TMEM208: variants seen among roughly 807,000 people sequenced by gnomAD.
TMEM208 encodes SRP-independent targeting 2 homolog.
Under a neutral mutation model 26.4 loss-of-function variants are expected in TMEM208, and 19 were observed. The observed-to-expected ratio is 0.72, with a 90% CI of 0.50 to 1.06. TMEM208 has a LOEUF of 1.06. Among genes scored for constraint, TMEM208 ranks in the 50% least tolerant of loss-of-function variants. The pLI is 0.00. For synonymous variants in TMEM208, 93 were observed against 83.1 expected (o/e 1.12, Z -0.65); for missense variants, 183 against 219.8 (o/e 0.83, Z 1.06).
chr16:67,228,563 A>T lies in TMEM208; in HGVS notation c.231A>T (p.Ala77=), dbSNP rs2142252564. The T allele has an allele frequency of 6.2e-7, 1 of 1,609,460 alleles. No homozygotes were observed. Among genetic ancestry groups the T allele is most frequent in the African/African-American group, 1.3e-5 (1 of 74,906 alleles). ...SYHSMSSMAR[A]AFSEDGALMD... ...ACTCTATGAGCTCGATGGCACGAGC[A>T]GCGTTCTCTGAGGATGGGGCCCTGA... The change falls in exon 4 of 6, where the codon GCA becomes GCT. Residue 77 remains alanine, a synonymous_variant. Coordinates refer to ENST00000304800, the MANE Select transcript of TMEM208 (RefSeq NM_014187.4).
At position 67,228,356 on chromosome 16, in the gene TMEM208, C is replaced by T. The variant is rs755015766; in HGVS notation, c.104C>T (p.Ala35Val). The T allele has an allele frequency of 6.2e-7, 1 of 1,613,962 alleles. No individual in the cohort carries two copies. Among genetic ancestry groups the T allele is most frequent in the South Asian group, 1.1e-5 (1 of 91,074 alleles). The part of the protein sequence containing the change: ...FYLRIILGAN[A>V]IYCLVTLVFF... ...ACCTGATCCTGTGATTGCTTGCAGGCCATTTACTGCCTTGTGACGTTGGTC... is the reference window on the plus strand; with the variant it reads ...ACCTGATCCTGTGATTGCTTGCAGGTCATTTACTGCCTTGTGACGTTGGTC... Residue 35 changes from alanine to valine, a missense_variant and splice_region_variant, in exon 3 of 6, where the codon GCC (alanine) becomes GTC (valine). Ala to Val is a moderately conservative substitution (Grantham distance 64). Transcript: ENST00000304800.
intron 2 of TMEM208, 48 bp from the exon 3 acceptor site, chr16:67,228,307 G>A (rs775486394): frequency 1.9e-6 from 3 of 1,604,554 alleles, no homozygotes; most frequent in African/African-American, 1.3e-5. Flanking sequence ...GAGACCCATG[G>A]TTTGGAGGTA....
intron 1 of TMEM208, 62 bp from the exon 2 acceptor site, chr16:67,227,774 G>A (rs2034078438): frequency 7.3e-6 from 10 of 1,376,480 alleles, no homozygotes; most frequent in Middle Eastern, 3.6e-4. Context: ...TAGCTCACCA[G>A]GCTGGTGGGG....
In TMEM208 at chr16:67,228,610, A is replaced by G. The variant is rs2034117715; in HGVS notation, c.278A>G (p.Asn93Ser). The G allele has an allele frequency of 1.3e-6, 2 of 1,590,628 alleles. No individual in the cohort carries two copies. ...CTGATGGATGGTGGCATGGACCTCA[A>G]CATGGAGCAGGGCATGGCAGAGTGA... Reference protein sequence around the residue: ...GALMDGGMDLNMEQGMAEHLK... With the variant: ...GALMDGGMDLSMEQGMAEHLK... The change falls in exon 4 of 6, where the codon AAC becomes AGC. Residue 93 changes from asparagine (N) to serine (S), a missense_variant. Asn to Ser is a conservative substitution (Grantham distance 46). Transcript: ENST00000304800.
rs549235640 is a variant in TMEM208 at position 67,228,849 on chromosome 16, TTCTCTC to T, written c.356_361del (p.Ser119_Leu120del). The T allele has an allele frequency of 6.2e-7, 1 of 1,613,994 alleles. No individual in the cohort carries two copies. Among genetic ancestry groups the T allele is most frequent in the East Asian group, 2.2e-5 (1 of 44,886 alleles). On this transcript the variant is annotated inframe_deletion, in exon 5 of 6. Transcript: ENST00000304800. ...AGCCATCGTGCAGGTGCTCAGCTGC[TTCTCTC>T]TCTATGTCTGGTCCTTCTGGCTTCT...
chr16:67,228,655 C>G, intron 4 of TMEM208, 24 bp downstream of exon 4: 3 of 1,545,502 alleles, frequency 1.9e-6, no homozygotes, highest in Non-Finnish European at 2.6e-6. Context: ...ACCGCCAGCC[C>G]AGGTGAGCGG....
At chr16:67,227,784 G>C in intron 1 of TMEM208, 52 bp from the exon 2 acceptor site, 29 of 1,434,614 alleles carry the variant, frequency 2.0e-5, no homozygotes, top group Non-Finnish European at 2.7e-5. Context: ...GGCTGGTGGG[G>C]AGAATGAGGA....
Position 67,227,237 on chromosome 16 carries a change from G to C in TMEM208, c.6+13G>C. On this transcript the variant is annotated intron_variant, in intron 1 of 5. Transcript: ENST00000304800. ...TCGCACCATGGCGGTAAGGAGGATGGATAGGGCGGGGTCCGCACCAGCAAA... is the reference window on the plus strand; with the variant it reads ...TCGCACCATGGCGGTAAGGAGGATGCATAGGGCGGGGTCCGCACCAGCAAA... 6.2e-7 allele frequency: 1 copy of C among 1,611,420 alleles called. No homozygotes were observed. Among genetic ancestry groups the C allele is most frequent in the South Asian group, 1.1e-5 (1 of 90,794 alleles).
chr16:67,227,154 G>T lies in TMEM208; in HGVS notation c.-65G>T. 6.2e-7 allele frequency: 1 copy of T among 1,605,060 alleles called. No homozygotes were observed. Among genetic ancestry groups the T allele is most frequent in the Non-Finnish European group, 8.5e-7 (1 of 1,174,022 alleles). ...CGGAAGTGCATGAGCTGCCGATGTG[G>T]TGCTTAGTGATTGCGGTTTCGGTCG... is the stretch of plus-strand genomic sequence containing the variant. On this transcript the variant is annotated 5_prime_UTR_variant, in exon 1 of 6. Transcript: ENST00000304800.
intron 1 of TMEM208, chr16:67,227,598 G>C: frequency 1.8e-6 from 1 of 569,768 alleles, no homozygotes; most frequent in East Asian, 2.9e-5. Flanking sequence ...ATTAGCTTAG[G>C]ATTGAATTGT....
At chr16:67,228,722 G>T in intron 4 of TMEM208, 75 bp from the exon 5 acceptor site, 1 of 1,558,942 alleles carries the variant, frequency 6.4e-7, no homozygotes, top group South Asian at 1.2e-5. Context: ...ACTTGAAAAG[G>T]GTGGAAGGGA....
rs376219954 is a variant in TMEM208 at position 67,228,375 on chromosome 16, G to A, written c.123G>A (p.Thr41=). The part of the protein sequence containing the change: ...LGANAIYCLV[T]LVFFYSSASF... Reference sequence around the variant, plus strand: ...TGCAGGCCATTTACTGCCTTGTGACGTTGGTCTTCTTTTACTCATCTGCCT... The same window carrying A: ...TGCAGGCCATTTACTGCCTTGTGACATTGGTCTTCTTTTACTCATCTGCCT... The change falls in exon 3 of 6, where the codon ACG becomes ACA. Residue 41 remains threonine (T), a synonymous_variant. Transcript: ENST00000304800. 544 of 1,613,876 alleles carry A rather than the reference G, an allele frequency of 3.4e-4. No homozygotes were observed. Among genetic ancestry groups the A allele is most frequent in the Non-Finnish European group, 4.4e-4 (515 of 1,179,910 alleles).
chr16:67,229,047 C>G lies in TMEM208; in HGVS notation c.456C>G (p.Thr152=), dbSNP rs778322658. Residue 152 remains threonine (T), a synonymous_variant, in exon 6 of 6, where the codon ACC becomes ACG. Coordinates refer to ENST00000304800, the MANE Select transcript of TMEM208 (RefSeq NM_014187.4). ...LGPWFTADSG[T]PAPEHNEKRQ... ...CCTGGTTCACTGCAGACAGTGGCAC[C>G]CCAGCACCAGAGCACAATGAGAAAC... 3 of 1,613,356 alleles carry G rather than the reference C, an allele frequency of 1.9e-6. No homozygotes were observed. The African/African-American group carries it at 4.0e-5, about 22-fold the overall frequency.
intron 2 of TMEM208, 156 bp from the exon 3 acceptor site, chr16:67,228,199 G>T (rs112369584): frequency 4.7e-5 from 38 of 815,970 alleles, no homozygotes; most frequent in Non-Finnish European, 4.2e-5. Flanking sequence ...AGAGGAGAGT[G>T]GGTATTTGGG....
chr16:67,229,207 G>C lies in TMEM208; in HGVS notation c.*94G>C. The stretch of plus-strand genomic sequence containing the variant: ...TGGAGCAATGAGGGTCTAGTCCAGG[G>C]GCCAAAAGCAGTCTGAGGTATTGGG... On this transcript the variant is annotated 3_prime_UTR_variant, in exon 6 of 6. Transcript: ENST00000304800. 7.4e-7 allele frequency: 1 copy of C among 1,350,264 alleles called. No homozygotes were observed. The highest frequency in any genetic ancestry group is 1.0e-6 in the Non-Finnish European group (1 of 993,912). 83.6% of individuals were successfully genotyped at this position (1,350,264 alleles called of 1,614,324 possible). A position where few individuals can be genotyped will look rare whatever the true frequency, so the allele number is the denominator to read the frequency against.
chr16:67,228,407 G>A lies in TMEM208; in HGVS notation c.155G>A (p.Trp52Ter). 2 of 1,613,980 alleles carry A rather than the reference G, an allele frequency of 1.2e-6. No individual in the cohort carries two copies. The highest frequency in any genetic ancestry group is 8.5e-7 in the Non-Finnish European group (1 of 1,179,880). The change falls in exon 3 of 6, where the codon TGG becomes TAG. Residue 52 changes from tryptophan to a stop codon, truncating the protein, a stop_gained. Coordinates refer to ENST00000304800, the MANE Select transcript of TMEM208 (RefSeq NM_014187.4). LOFTEE classifies it high-confidence loss of function. ...TTCTTTTACTCATCTGCCTCATTTT[G>A]GGCCTGGGTAAGTATCTCCATCCTG... ...LVFFYSSASF[W>*]AWLALGFSLA...
chr16:67,228,327 C>A, intron 2 of TMEM208, 28 bp from the exon 3 acceptor site: 1 of 1,613,694 alleles, frequency 6.2e-7, no homozygotes, highest in Non-Finnish European at 8.5e-7. Context: ...AACTTCTGAC[C>A]CCAACCTGAT....
At chr16:67,227,617 G>C in intron 1 of TMEM208, 2 of 577,834 alleles carry the variant, frequency 3.5e-6, no homozygotes, top group Non-Finnish European at 6.1e-6. Context: ...GTTCCAGGGC[G>C]AGCAAGAGGC....
chr16:67,227,297 A>G (rs1018391966), intron 1 of TMEM208, 73 bp downstream of exon 1: 9 of 1,573,150 alleles, frequency 5.7e-6, no homozygotes, highest in Non-Finnish European at 7.8e-6. Context: ...AAACTGAGAA[A>G]GAACATTAAG....
Sources: allele counts gnomAD v4.1 joint callset, GRCh38; gene constraint gnomAD v4.1.1; transcripts MANE v1.5; gene names NCBI Gene and HGNC (gene_info 2026-07-23, HGNC 2026-07-21).